Variants in GRM7 observed in about 807,000 individuals in gnomAD.
GRM7 encodes glutamate metabotropic receptor 7, also known as metabotropic glutamate receptor 7.
Under a neutral mutation model 84.5 loss-of-function variants are expected in GRM7, and 35 were observed. The ratio of observed to expected loss-of-function variants is 0.41; its 90% CI spans 0.32 to 0.55. The LOEUF (loss-of-function observed/expected upper bound fraction) is 0.55, where lower values mean the gene tolerates loss of function less well. Among genes scored for constraint, GRM7 ranks in the 20% least tolerant of loss-of-function variants. GRM7 has a pLI of 0.19. For synonymous variants in GRM7, 487 were observed against 455.1 expected, an observed-to-expected ratio of 1.07 and a Z score of -0.89; for missense variants, 1,003 against 1,194.6, an observed-to-expected ratio of 0.84 and a Z score of 2.36.
intron 8 of GRM7, among the ~76,000 whole-genome samples, chr3:7,614,049 AG>A (rs1381373619): frequency 6.6e-6 from 1 of 152,126 alleles, no homozygotes; most frequent in Non-Finnish European, 1.5e-5. Flanking sequence ...TGATCATCTG[AG>A]GTAAGGAGTT....
At chr3:7,504,622 G>A (rs534147814) in intron 7 of GRM7, among the ~76,000 whole-genome samples, 7 of 152,296 alleles carry the variant, frequency 4.6e-5, no homozygotes, top group African/African-American at 1.7e-4. Context: ...AAGAGCAAAA[G>A]AACCAGAAAG....
chr3:6,949,246 G>A (rs913103402), intron 1 of GRM7, among the ~76,000 whole-genome samples: 1 of 152,162 alleles, frequency 6.6e-6, no homozygotes, highest in African/African-American at 2.4e-5. Flanking sequence ...TTTAGAGCAG[G>A]CCTGGTGGTG....
At chr3:6,930,958 T>C (rs1409978888) in intron 1 of GRM7, among the ~76,000 whole-genome samples, 1 of 152,196 alleles carries the variant, frequency 6.6e-6, no homozygotes, top group East Asian at 1.9e-4. Context: ...GTGAACTGCC[T>C]CCAGTTACTG....
intron 1 of GRM7, among the ~76,000 whole-genome samples, chr3:6,926,703 C>A (rs1309315216): frequency 6.6e-6 from 1 of 152,190 alleles, no homozygotes; most frequent in Admixed American, 6.5e-5. Flanking sequence ...GCCGATGCAA[C>A]CACCCCTCGG....
Position 7,595,695 on chromosome 3 carries a change from T to C in GRM7, c.2451+16338T>C, listed in dbSNP as rs368275443. Among the ~76,000 whole-genome samples the C allele has an allele frequency of 1.7e-3, 254 of 151,646 alleles. 2 individuals are homozygous for C. The highest frequency in any genetic ancestry group is 3.4e-3 in the Admixed American group (52 of 15,206). ...CAAGAGAAGGAGTCATGAATATAAC[T>C]GGGGGTGGGGGTAGGGAAGAGTGCC... On this transcript the variant is annotated intron_variant, in intron 8 of 9. Coordinates refer to ENST00000357716, the MANE Select transcript of GRM7 (RefSeq NM_000844.4).
At chr3:7,465,843 C>A (rs1698441001) in intron 7 of GRM7, among the ~76,000 whole-genome samples, 1 of 152,090 alleles carries the variant, frequency 6.6e-6, no homozygotes, top group Admixed American at 6.6e-5. Context: ...GTAGATCAGA[C>A]TGCTCTGCTG....
At chr3:7,209,924 G>A (rs1696366209) in intron 2 of GRM7, among the ~76,000 whole-genome samples, 1 of 152,170 alleles carries the variant, frequency 6.6e-6, no homozygotes, top group Non-Finnish European at 1.5e-5. Context: ...AGTACAAGGG[G>A]AGAGGGAAGT....
At chr3:7,535,691 G>A (rs1479555886) in intron 7 of GRM7, among the ~76,000 whole-genome samples, 7 of 152,186 alleles carry the variant, frequency 4.6e-5, no homozygotes, top group Non-Finnish European at 1.0e-4. Flanking sequence ...TGCACAGGGA[G>A]ACCAACAATT....
At chr3:7,454,405 A>G (rs1347567629) in intron 6 of GRM7, among the ~76,000 whole-genome samples, 1 of 152,176 alleles carries the variant, frequency 6.6e-6, no homozygotes, top group African/African-American at 2.4e-5. Context: ...GTAAACTTGA[A>G]TGTATGAGCA....
chr3:7,348,746 A>C (rs1005764677), intron 4 of GRM7, among the ~76,000 whole-genome samples: 9 of 152,142 alleles, frequency 5.9e-5, no homozygotes, highest in African/African-American at 2.2e-4. Flanking sequence ...TCTCAGATCT[A>C]CTGAATCAGA....
At chr3:7,617,272 A>C (rs112498929) in intron 8 of GRM7, among the ~76,000 whole-genome samples, 71 of 152,286 alleles carry the variant, frequency 4.7e-4, no homozygotes, top group South Asian at 2.3e-3. Flanking sequence ...ACTCATGCAT[A>C]TGAGAAAGTT....
At chr3:6,984,068 A>C (rs1236436086) in intron 1 of GRM7, among the ~76,000 whole-genome samples, 1 of 152,226 alleles carries the variant, frequency 6.6e-6, no homozygotes, top group African/African-American at 2.4e-5. Flanking sequence ...CAAAGCTCAC[A>C]TACTCAAAAA....
At chr3:7,421,224 G>T (rs2124827361) in intron 5 of GRM7, among the ~76,000 whole-genome samples, 1 of 152,212 alleles carries the variant, frequency 6.6e-6, no homozygotes, top group African/African-American at 2.4e-5. Context: ...CTCTTTTCAA[G>T]GGAAGCATAG....
At chr3:7,385,763 G>A (rs969435896) in intron 4 of GRM7, among the ~76,000 whole-genome samples, 5 of 152,136 alleles carry the variant, frequency 3.3e-5, no homozygotes, top group African/African-American at 4.8e-5. Flanking sequence ...TGCAAGACAT[G>A]AATAAAGACA....
At chr3:6,982,337 T>C (rs957605581) in intron 1 of GRM7, among the ~76,000 whole-genome samples, 1 of 152,276 alleles carries the variant, frequency 6.6e-6, no homozygotes, top group East Asian at 1.9e-4. Context: ...TAAAACTACC[T>C]GTGTGGCACT....
rs574398106 is a variant in GRM7 at position 7,022,085 on chromosome 3, T to C, written c.520-124367T>C. ...GTTCACACCTATAATCCCAGCACTT[T>C]GGGAGCTGAGTTGGGAGAATTGCTT... On this transcript the variant is annotated intron_variant, in intron 1 of 9. Transcript: ENST00000357716. Among the ~76,000 whole-genome samples the C allele has an allele frequency of 7.9e-5, 12 of 152,214 alleles. No homozygotes were observed. The East Asian group carries it at 2.3e-3, about 29-fold the overall frequency.
intron 1 of GRM7, among the ~76,000 whole-genome samples, chr3:6,955,524 C>G (rs113823154): frequency 0.23 from 34,047 of 149,878 alleles, 4,019 homozygotes; most frequent in Non-Finnish European, 0.26. Context: ...GTGACAGAGC[C>G]AGGCTCCATC....
intron 4 of GRM7, among the ~76,000 whole-genome samples, chr3:7,414,589 G>T (rs906348136): frequency 6.6e-6 from 1 of 152,158 alleles, no homozygotes; most frequent in African/African-American, 2.4e-5. Context: ...ATTGGACTCA[G>T]TTCACCTACA....
chr3:7,242,778 G>A (rs1279311527), intron 2 of GRM7, among the ~76,000 whole-genome samples: 1 of 152,110 alleles, frequency 6.6e-6, no homozygotes, highest in South Asian at 2.1e-4. Flanking sequence ...CTATTCCAGA[G>A]CTGTGTGTTA....
Sources: gnomAD v4.1 joint callset for allele counts (sites outside exome capture counted in the v4.1 genomes callset) on GRCh38, gnomAD v4.1.1 for gene constraint, MANE v1.5 for transcripts, NCBI Gene and HGNC (gene_info 2026-07-23, HGNC 2026-07-21) for gene names.